Variants in PPFIA2 observed in about 807,000 individuals in gnomAD.
PPFIA2 encodes the protein liprin-alpha-2.
PPFIA2 carries 46 observed loss-of-function variants against 175.5 expected under a neutral mutation model. The observed-to-expected ratio is 0.26, with a 90% CI of 0.21 to 0.34. PPFIA2 has a LOEUF of 0.34. Ranked by LOEUF, PPFIA2 falls within the 10% of genes least tolerant of loss-of-function variation. The probability of loss-of-function intolerance (pLI) is 1.00; values close to 1 mark genes in which losing one functional copy is unlikely to be tolerated. For synonymous variants in PPFIA2, 568 were observed against 511.4 expected, an observed-to-expected ratio of 1.11 and a Z score of -1.49; for missense variants, 1,179 against 1,506.1, an observed-to-expected ratio of 0.78 and a Z score of 3.60.
chr12:81,494,885 A>G (rs2059858001), intron 4 of PPFIA2, among the ~76,000 whole-genome samples: 1 of 142,432 alleles, frequency 7.0e-6, no homozygotes, highest in Non-Finnish European at 1.5e-5. Context: ...ATAGGTGGGA[A>G]TTGAACAATG....
Position 81,299,312 on chromosome 12 carries a change from C to T in PPFIA2, c.2713G>A (p.Ala905Thr), listed in dbSNP as rs756585090. The T allele has an allele frequency of 3.1e-6, 5 of 1,593,960 alleles. No individual in the cohort carries two copies. The highest frequency in any genetic ancestry group is 4.3e-6 in the Non-Finnish European group (5 of 1,169,440). The change falls in exon 23 of 33, where the codon GCA (alanine) becomes ACA (threonine). Residue 905 changes from alanine to threonine, a missense_variant. Physicochemically the swap from Ala to Thr is moderately conservative, Grantham distance 58 (BLOSUM62 0). Around this residue, in one of 10 missense-constraint regions of PPFIA2, gnomAD observed 44 missense variants for 81.3 expected, o/e 0.54. Transcript: ENST00000549396. ...FAQWDGPTVV[A>T]WLELWLGMPA... ...TTTCATTCTCTTACCTCTAGCCATG[C>T]GACCACAGTTGGCCCATCCCACTGG...
chr12:81,550,636 T>A (rs2067763337), intron 4 of PPFIA2, among the ~76,000 whole-genome samples: 1 of 151,978 alleles, frequency 6.6e-6, no homozygotes, highest in Admixed American at 6.6e-5. Context: ...CCAATGGTGA[T>A]TTTTAGTTTG....
intron 4 of PPFIA2, among the ~76,000 whole-genome samples, chr12:81,521,516 C>T (rs2063124250): frequency 6.6e-6 from 1 of 152,062 alleles, no homozygotes; most frequent in South Asian, 2.1e-4. Context: ...GTAATGTCAT[C>T]CAAAGGAACA....
chr12:81,281,739 C>G (rs2042133048), intron 26 of PPFIA2, among the ~76,000 whole-genome samples: 1 of 152,012 alleles, frequency 6.6e-6, no homozygotes, highest in Non-Finnish European at 1.5e-5. Flanking sequence ...TATACAAACT[C>G]TGAGCTTTAA....
intron 4 of PPFIA2, among the ~76,000 whole-genome samples, chr12:81,526,725 A>G (rs553186827): frequency 6.6e-6 from 1 of 152,178 alleles, no homozygotes; most frequent in Non-Finnish European, 1.5e-5. Context: ...TTGATTTGTA[A>G]AGATAGAAGC....
At chr12:81,566,548 A>AAAAAG (rs1567362387) in intron 4 of PPFIA2, among the ~76,000 whole-genome samples, 1 of 151,070 alleles carries the variant, frequency 6.6e-6, no homozygotes, top group African/African-American at 2.4e-5. Context: ...AAAAAAAAAA[A>AAAAAG]AAAAGAAAAG....
At chr12:81,336,169 T>C (rs1268496878) in intron 21 of PPFIA2, among the ~76,000 whole-genome samples, 1 of 152,208 alleles carries the variant, frequency 6.6e-6, no homozygotes, top group African/African-American at 2.4e-5. Context: ...CTCCTATTAG[T>C]ACCACAGCTT....
intron 4 of PPFIA2, among the ~76,000 whole-genome samples, chr12:81,665,840 G>C (rs542937069): frequency 2.8e-3 from 426 of 151,914 alleles, no homozygotes; most frequent in African/African-American, 9.9e-3. Context: ...CTACAGAATG[G>C]GAGAAAATTT....
At chr12:81,581,007 G>A (rs2074319720) in intron 4 of PPFIA2, among the ~76,000 whole-genome samples, 1 of 151,862 alleles carries the variant, frequency 6.6e-6, no homozygotes, top group African/African-American at 2.4e-5. Context: ...AACCTAAATT[G>A]AGGGACTGTG....
chr12:81,676,407 A>C (rs2072517127), intron 4 of PPFIA2, among the ~76,000 whole-genome samples: 1 of 152,040 alleles, frequency 6.6e-6, no homozygotes. Flanking sequence ...AACAATGTCC[A>C]GAGTCAATAC....
intron 4 of PPFIA2, among the ~76,000 whole-genome samples, chr12:81,565,268 A>G (rs923402116): frequency 2.0e-5 from 3 of 152,056 alleles, no homozygotes; most frequent in Admixed American, 2.0e-4. Flanking sequence ...TCTCCTCAGG[A>G]GCCACCCCCA....
At chr12:81,533,062 A>C (rs2064824987) in intron 4 of PPFIA2, among the ~76,000 whole-genome samples, 1 of 151,648 alleles carries the variant, frequency 6.6e-6, no homozygotes, top group Non-Finnish European at 1.5e-5. Flanking sequence ...GGTGAGGGGC[A>C]CTTAACTTTC....
chr12:81,494,414 G>C (rs1235903834), intron 4 of PPFIA2, among the ~76,000 whole-genome samples: 1 of 152,158 alleles, frequency 6.6e-6, no homozygotes, highest in African/African-American at 2.4e-5. Flanking sequence ...ACACCAGTTA[G>C]AATGGCAATC....
At chr12:81,413,074 A>G (rs1282934770) in intron 7 of PPFIA2, among the ~76,000 whole-genome samples, 2 of 151,904 alleles carry the variant, frequency 1.3e-5, no homozygotes, top group African/African-American at 2.4e-5. Flanking sequence ...AGTAATCTCC[A>G]GTAACTCATG....
chr12:81,547,740 T>C (rs1337251498), intron 4 of PPFIA2, among the ~76,000 whole-genome samples: 1 of 152,138 alleles, frequency 6.6e-6, no homozygotes, highest in Non-Finnish European at 1.5e-5. Flanking sequence ...TCCATGTGAG[T>C]AATATTTTAA....
chr12:81,400,693 A>C (rs1718894427), intron 8 of PPFIA2, among the ~76,000 whole-genome samples: 2 of 152,196 alleles, frequency 1.3e-5, no homozygotes, highest in Admixed American at 6.5e-5. Flanking sequence ...TCAGATTCAA[A>C]GAGGAGAGAA....
intron 7 of PPFIA2, among the ~76,000 whole-genome samples, chr12:81,423,267 C>T (rs2046608393): frequency 6.6e-6 from 1 of 152,032 alleles, no homozygotes; most frequent in African/African-American, 2.4e-5. Flanking sequence ...AGGTCAGGAT[C>T]CCCTAATTCC....
At chr12:81,440,170 G>A (rs1017028146) in intron 6 of PPFIA2, 124 bp from the exon 7 acceptor site, 1 of 578,482 alleles carries the variant, frequency 1.7e-6, no homozygotes, top group Non-Finnish European at 2.9e-6. Context: ...TTATATCCCT[G>A]CGTGCTCAGA....
chr12:81,476,233 T>C (rs1021409555), intron 4 of PPFIA2, among the ~76,000 whole-genome samples: 7 of 152,238 alleles, frequency 4.6e-5, no homozygotes, highest in Non-Finnish European at 1.0e-4. Flanking sequence ...GATTTGGTTT[T>C]TCATGAAAGT....
Sources: gnomAD v4.1 joint callset for allele counts (sites outside exome capture counted in the v4.1 genomes callset) on GRCh38, gnomAD v4.1.1 for gene constraint, gnomAD v4.1.1 regional missense constraint, MANE v1.5 for transcripts, NCBI Gene and HGNC (gene_info 2026-07-23, HGNC 2026-07-21) for gene names.